The following AP1G1 variants were observed in gnomAD, a reference collection of about 807,000 sequenced individuals.
AP1G1 encodes the protein adaptor related protein complex 1 subunit gamma 1, also known as AP-1 complex subunit gamma-1.
In AP1G1, 7 loss-of-function variants were observed where a neutral mutation model predicts 108.3. That is an observed-to-expected ratio of 0.06 (90% CI 0.04 to 0.12). The LOEUF (loss-of-function observed/expected upper bound fraction) is 0.12, where lower values mean the gene tolerates loss of function less well. Among genes scored for constraint, AP1G1 ranks in the 10% least tolerant of loss-of-function variants. The probability of loss-of-function intolerance (pLI) is 1.00; values close to 1 mark genes in which losing one functional copy is unlikely to be tolerated. For synonymous variants in AP1G1, 379 were observed against 353.5 expected, an observed-to-expected ratio of 1.07 and a Z score of -0.81; for missense variants, 756 against 1,010.7, an observed-to-expected ratio of 0.75 and a Z score of 3.42.
chr16:71,804,074 G>C (rs529392087), intron 1 of AP1G1, among the ~76,000 whole-genome samples: 82 of 151,216 alleles, frequency 5.4e-4, no homozygotes, highest in Non-Finnish European at 1.1e-3. Context: ...GGAGACAAGA[G>C]TCTCGCTCTG....
At chr16:71,748,463 GC>G in intron 15 of AP1G1, 85 bp from the exon 16 acceptor site, 1 of 1,441,732 alleles carries the variant, frequency 6.9e-7, no homozygotes. Context: ...AGGGGAAGCA[GC>G]CAGAAAGACA....
At chr16:71,789,216 G>A in intron 2 of AP1G1, 63 bp downstream of exon 2, 13 of 1,465,672 alleles carry the variant, frequency 8.9e-6, no homozygotes, top group Non-Finnish European at 1.2e-5. Flanking sequence ...GAAAAAGATG[G>A]ACAATCCCTG....
At chr16:71,796,864 C>T (rs976264120) in intron 1 of AP1G1, among the ~76,000 whole-genome samples, 7 of 152,020 alleles carry the variant, frequency 4.6e-5, no homozygotes, top group Non-Finnish European at 8.8e-5. Context: ...AACAATTCAA[C>T]AGCACTGAGA....
chr16:71,764,518 CAA>C (rs917508427), intron 8 of AP1G1, 70 bp from the exon 9 acceptor site: 29 of 1,289,950 alleles, frequency 2.2e-5, no homozygotes, highest in African/African-American at 2.0e-4. Flanking sequence ...TCACAGGTAA[CAA>C]GAGGCATTTT....
At chr16:71,761,435 A>G in intron 10 of AP1G1, 77 bp downstream of exon 10, 1 of 1,034,588 alleles carries the variant, frequency 9.7e-7, no homozygotes, top group Non-Finnish European at 1.5e-6. Flanking sequence ...TAATACATGT[A>G]TGATCTTGAG....
Position 71,745,503 on chromosome 16 carries a change from C to T in AP1G1, c.1842G>A (p.Pro614=), listed in dbSNP as rs751827386. The change falls in exon 18 of 23, where the codon CCG becomes CCA. Residue 614 remains proline, a synonymous_variant. Transcript: ENST00000299980. ...ETEPAPLETK[P]PPSGPQPTSQ... ...TGGTGGGCTGTGGCCCAGAGGGTGG[C>T]GGTTTGGTCTCTAGTGGAGCTGGTT... 1.1e-5 allele frequency: 18 copies of T among 1,614,084 alleles called. No homozygotes were observed. The highest frequency in any genetic ancestry group is 1.4e-5 in the Non-Finnish European group (17 of 1,179,998).
Position 71,769,682 on chromosome 16 carries a change from C to T in AP1G1, c.583G>A (p.Val195Ile). The change falls in exon 6 of 23, where the codon GTA (valine) becomes ATA (isoleucine). Residue 195 changes from valine (V) to isoleucine (I), a missense_variant. Physicochemically the swap from Val to Ile is conservative, Grantham distance 29. This residue lies in a region of AP1G1 where 304 missense variants were observed against 483.6 expected (regional missense o/e 0.63). Coordinates refer to ENST00000299980, the MANE Select transcript of AP1G1 (RefSeq NM_001128.6). ...EKNHGVLHTS[V>I]VLLTEMCERS... The stretch of plus-strand genomic sequence containing the variant: ...TCACACATTTCTGTGAGGAGGACTA[C>T]AGATGTGTGGAGGACACCTGAAAGA... The T allele has an allele frequency of 6.2e-7, 1 of 1,613,406 alleles. No homozygotes were observed. The highest frequency in any genetic ancestry group is 8.5e-7 in the Non-Finnish European group (1 of 1,179,528).
At chr16:71,754,436 G>C (rs1048327459) in intron 12 of AP1G1, among the ~76,000 whole-genome samples, 1 of 152,170 alleles carries the variant, frequency 6.6e-6, no homozygotes, top group Non-Finnish European at 1.5e-5. Context: ...CCCTGGATAA[G>C]TGAACATATC....
chr16:71,759,878 C>T (rs1023577746), intron 10 of AP1G1, among the ~76,000 whole-genome samples: 2 of 151,880 alleles, frequency 1.3e-5, no homozygotes, highest in African/African-American at 4.8e-5. Flanking sequence ...TATAATATGT[C>T]TTTTAAGGCT....
In AP1G1 at chr16:71,808,786, C is replaced by G. The variant is rs1242059854; in HGVS notation, c.-27G>C. On this transcript the variant is annotated 5_prime_UTR_variant, in exon 1 of 23. Transcript: ENST00000299980. Reference sequence around the variant, plus strand: ...ACCGGCCCGAAACCTCGAATGAAACCAGCAGCTCCGGGGGCGGCGGCAGCA... The same window carrying G: ...ACCGGCCCGAAACCTCGAATGAAACGAGCAGCTCCGGGGGCGGCGGCAGCA... 3 of 1,289,734 alleles carry G rather than the reference C, an allele frequency of 2.3e-6. No homozygotes were observed. The East Asian group carries it at 1.7e-4, about 72-fold the overall frequency. 79.9% of individuals were successfully genotyped at this position (1,289,734 alleles called of 1,614,324 possible).
At chr16:71,806,176 C>G (rs1322803753) in intron 1 of AP1G1, among the ~76,000 whole-genome samples, 1 of 152,112 alleles carries the variant, frequency 6.6e-6, no homozygotes, top group African/African-American at 2.4e-5. Flanking sequence ...TTTAAAGTTT[C>G]ACTCTAAAAT....
At chr16:71,807,385 C>T (rs1267780740) in intron 1 of AP1G1, among the ~76,000 whole-genome samples, 1 of 152,166 alleles carries the variant, frequency 6.6e-6, no homozygotes, top group Admixed American at 6.5e-5. Flanking sequence ...TGAGCCGAGA[C>T]CGTGCCACTG....
chr16:71,754,317 AAGAG>A (rs886651081), intron 12 of AP1G1, among the ~76,000 whole-genome samples: 15 of 149,926 alleles, frequency 1.0e-4, no homozygotes, highest in South Asian at 2.1e-4. Context: ...AGGAACAAAA[AAGAG>A]AGAGAAAGAA....
intron 15 of AP1G1, 127 bp from the exon 16 acceptor site, chr16:71,748,505 C>A (rs900645170): frequency 8.9e-7 from 1 of 1,127,724 alleles, no homozygotes; most frequent in Non-Finnish European, 1.2e-6. Context: ...TCTAACTCAA[C>A]CTGTGCTTTG....
intron 3 of AP1G1, among the ~76,000 whole-genome samples, chr16:71,773,800 G>A (rs537928047): frequency 2.0e-5 from 3 of 151,126 alleles, no homozygotes; most frequent in African/African-American, 2.4e-5. Flanking sequence ...AAAATTGGCC[G>A]AGCGTGGTGG....
rs1567636570 is a variant in AP1G1 at position 71,731,529 on chromosome 16, C to A, written c.*1529G>T. On this transcript the variant is annotated 3_prime_UTR_variant, in exon 23 of 23. Coordinates refer to ENST00000299980, the MANE Select transcript of AP1G1 (RefSeq NM_001128.6). The stretch of plus-strand genomic sequence containing the variant: ...GCAAACATTGTAAGAGCAAGGTGGG[C>A]CTCACTTTTTCTTTCTTCAGTATAT... 6.7e-6 allele frequency: 1 copy of A among 149,980 alleles called. No individual in the cohort carries two copies. The highest frequency in any genetic ancestry group is 1.5e-5 in the Non-Finnish European group (1 of 66,496). 9.3% of individuals were successfully genotyped at this position (149,980 alleles called of 1,614,324 possible). A position where few individuals can be genotyped will look rare whatever the true frequency, so the allele number is the denominator to read the frequency against.
rs114687486 is a variant in AP1G1, at chr16:71,763,121, G to C, written c.918+1229C>G. Among the ~76,000 whole-genome samples, 663 of 152,346 alleles carry C rather than the reference G, an allele frequency of 4.4e-3. 11 individuals are homozygous for C. The highest frequency in any genetic ancestry group is 0.015 in the African/African-American group (643 of 41,582). On this transcript the variant is annotated intron_variant, in intron 9 of 22. Transcript: ENST00000299980. ...GGACATGATGGCTCACATTACTCGG[G>C]AGGCTGAGGTGGAAAGATTGCTTGA...
intron 5 of AP1G1, 21 bp from the exon 6 acceptor site, chr16:71,769,720 A>G: frequency 6.3e-7 from 1 of 1,598,360 alleles, no homozygotes; most frequent in South Asian, 1.1e-5. Flanking sequence ...AGATCAAAGG[A>G]AAACTAAAAA....
intron 1 of AP1G1, among the ~76,000 whole-genome samples, chr16:71,802,602 C>A (rs954878220): frequency 6.6e-6 from 1 of 151,988 alleles, no homozygotes; most frequent in Non-Finnish European, 1.5e-5. Flanking sequence ...TGGTGGCGGG[C>A]GCCTGTAATT....
Sources: gnomAD v4.1 joint callset for allele counts (sites outside exome capture counted in the v4.1 genomes callset) on GRCh38, gnomAD v4.1.1 for gene constraint, gnomAD v4.1.1 regional missense constraint, MANE v1.5 for transcripts, NCBI Gene and HGNC (gene_info 2026-07-23, HGNC 2026-07-21) for gene names.